ATP11A: variants seen among roughly 807,000 people sequenced by gnomAD.
The protein encoded by ATP11A is phospholipid-transporting ATPase IH.
A neutral mutation model predicts 154.4 loss-of-function variants in ATP11A; 81 were observed. The ratio of observed to expected loss-of-function variants is 0.52; its 90% CI spans 0.44 to 0.63. The LOEUF (loss-of-function observed/expected upper bound fraction) is 0.63, where lower values mean the gene tolerates loss of function less well. ATP11A is among the 30% of genes least tolerant of loss of function. The pLI, the probability that ATP11A is intolerant of heterozygous loss-of-function variation, is 0.00. For synonymous variants in ATP11A, 623 were observed against 585.9 expected (o/e 1.06, Z -0.91); for missense variants, 1,316 against 1,474.3 (o/e 0.89, Z 1.76).
At chr13:112,731,905 G>A (rs796756745) in intron 1 of ATP11A, among the ~76,000 whole-genome samples, 3 of 147,364 alleles carry the variant, frequency 2.0e-5, no homozygotes, top group Non-Finnish European at 3.0e-5. Flanking sequence ...CAGTGTGTGG[G>A]GTAAACCTAC....
intron 1 of ATP11A, among the ~76,000 whole-genome samples, chr13:112,752,704 G>C (rs1355536498): frequency 6.6e-6 from 1 of 152,216 alleles, no homozygotes; most frequent in East Asian, 1.9e-4. Flanking sequence ...ACAGAATACC[G>C]TAATGTAGTT....
rs1594557727 is a variant in ATP11A at position 112,754,888 on chromosome 13, C to G, written c.40-30247C>G. 6.6e-6 allele frequency among the ~76,000 whole-genome samples: 1 copy of G among 152,248 alleles called. No homozygotes were observed. The highest frequency in any genetic ancestry group is 1.5e-5 in the Non-Finnish European group (1 of 68,044). On this transcript the variant is annotated intron_variant, in intron 1 of 29. Transcript: ENST00000375645. This position sits in a 1 kb window ranked among gnomAD's most constrained non-coding sequence, Gnocchi z 5.3. ...GGCCCGGCCCCACTGCAGGGCTTCCCCAGCCCTCCTAGACACCCTGCACTT... is the reference window on the plus strand; with the variant it reads ...GGCCCGGCCCCACTGCAGGGCTTCCGCAGCCCTCCTAGACACCCTGCACTT...
At chr13:112,751,692 G>A (rs2076695335) in intron 1 of ATP11A, among the ~76,000 whole-genome samples, 1 of 151,284 alleles carries the variant, frequency 6.6e-6, no homozygotes, top group Non-Finnish European at 1.5e-5. Flanking sequence ...AAAAAAAACA[G>A]ACATTGGCCC....
At chr13:112,870,454 C>T (rs1046342700) in intron 25 of ATP11A, among the ~76,000 whole-genome samples, 1 of 152,214 alleles carries the variant, frequency 6.6e-6, no homozygotes, top group African/African-American at 2.4e-5. Context: ...TCTCTGCTCA[C>T]TGCAACCTCC....
chr13:112,792,045 C>T (rs1188746044), intron 2 of ATP11A, among the ~76,000 whole-genome samples: 3 of 152,168 alleles, frequency 2.0e-5, no homozygotes, highest in Admixed American at 6.5e-5. Context: ...CTCTCAAATC[C>T]GCCCATGCAT....
At chr13:112,871,842 A>G (rs1007769273) in intron 26 of ATP11A, 42 bp downstream of exon 26, 2 of 1,580,090 alleles carry the variant, frequency 1.3e-6, no homozygotes, top group South Asian at 2.2e-5. Context: ...AGCCACAGTG[A>G]ACCCCTGCAG....
chr13:112,848,420 C>T (rs921607181), intron 17 of ATP11A, among the ~76,000 whole-genome samples: 3 of 151,864 alleles, frequency 2.0e-5, no homozygotes, highest in Non-Finnish European at 2.9e-5. Flanking sequence ...TGACTTTGTA[C>T]CCTGTGTCTT....
chr13:112,787,891 A>G (rs432466), intron 2 of ATP11A, among the ~76,000 whole-genome samples: 23,372 of 145,974 alleles, frequency 0.16, 3,722 homozygotes, highest in African/African-American at 0.42. Context: ...AATTCACACC[A>G]GTGTCCTCAT....
chr13:112,865,917 G>A (rs1444456969), intron 25 of ATP11A, among the ~76,000 whole-genome samples: 1 of 152,218 alleles, frequency 6.6e-6, no homozygotes, highest in Non-Finnish European at 1.5e-5. Flanking sequence ...TTACCTAGTG[G>A]TACCATTATA....
At chr13:112,771,923 G>T (rs949500600) in intron 1 of ATP11A, among the ~76,000 whole-genome samples, 1 of 152,238 alleles carries the variant, frequency 6.6e-6, no homozygotes, top group African/African-American at 2.4e-5. Context: ...GACACCGGGA[G>T]CCCTGGGCTG....
chr13:112,865,993 G>A (rs1364363630), intron 25 of ATP11A, among the ~76,000 whole-genome samples: 4 of 152,230 alleles, frequency 2.6e-5, no homozygotes, highest in Admixed American at 6.5e-5. Context: ...AGATTTCCCC[G>A]AGTACCATAC....
At chr13:112,787,791 T>C (rs1158895353) in intron 2 of ATP11A, among the ~76,000 whole-genome samples, 2 of 132,706 alleles carry the variant, frequency 1.5e-5, no homozygotes, top group Non-Finnish European at 3.1e-5. Context: ...TGTCCTGACG[T>C]GTAAACCCCT....
chr13:112,833,593 T>C (rs2079154370), intron 14 of ATP11A, among the ~76,000 whole-genome samples: 1 of 152,170 alleles, frequency 6.6e-6, no homozygotes, highest in African/African-American at 2.4e-5. Flanking sequence ...TCCCCAAAAG[T>C]GCCTTCAGGG....
At chr13:112,810,313 C>T (rs2078453161) in intron 4 of ATP11A, among the ~76,000 whole-genome samples, 1 of 152,220 alleles carries the variant, frequency 6.6e-6, no homozygotes, top group South Asian at 2.1e-4. Context: ...ATCCTAAGTC[C>T]ATGTCATGAA....
chr13:112,725,878 G>A (rs1466589368), intron 1 of ATP11A, among the ~76,000 whole-genome samples: 11 of 152,208 alleles, frequency 7.2e-5, no homozygotes, highest in Admixed American at 2.0e-4. Context: ...AGAGACTCAG[G>A]AGCCCCTCCC....
chr13:112,768,861 G>A (rs984501092), intron 1 of ATP11A, among the ~76,000 whole-genome samples: 5 of 152,154 alleles, frequency 3.3e-5, no homozygotes, highest in Admixed American at 6.5e-5. Context: ...GGTTGGTTTC[G>A]CCCGGTCCTC....
chr13:112,691,463 C>CAA (rs34506401), intron 1 of ATP11A, among the ~76,000 whole-genome samples: 1,032 of 84,292 alleles, frequency 0.012, 27 homozygotes, highest in African/African-American at 0.043. Context: ...GACTCTGTAT[C>CAA]AAAAAAAAAA....
At chr13:112,873,769 TGTTG>T (rs1477018563) in intron 27 of ATP11A, 93 bp downstream of exon 27, 1 of 1,275,640 alleles carries the variant, frequency 7.8e-7, no homozygotes, top group Non-Finnish European at 1.1e-6. Context: ...CGTGCGGCCC[TGTTG>T]GTTGGGGCAA....
rs918396537 is a variant in ATP11A, at chr13:112,838,541, G to C, written c.1705+2290G>C. 6.6e-6 allele frequency among the ~76,000 whole-genome samples: 1 copy of C among 152,228 alleles called. No homozygotes were observed. The highest frequency in any genetic ancestry group is 1.5e-5 in the Non-Finnish European group (1 of 68,034). ...CACCCCGGAGCTGGCCCTGCCACAC[G>C]CTCACAAGGGGTTTTTGCTGCATCC... On this transcript the variant is annotated intron_variant, in intron 16 of 29. Transcript: ENST00000375645. The surrounding 1 kb of genome is among the most constrained non-coding windows in gnomAD (Gnocchi z 7.3).
Sources: gnomAD v4.1 joint callset for allele counts (sites outside exome capture counted in the v4.1 genomes callset) on GRCh38, gnomAD v4.1.1 for gene constraint, Gnocchi (gnomAD v3.1) non-coding constraint, MANE v1.5 for transcripts, NCBI Gene and HGNC (gene_info 2026-07-23, HGNC 2026-07-21) for gene names.